OGFOD1: variants seen among roughly 807,000 people sequenced by gnomAD.
The protein encoded by OGFOD1 is 2-oxoglutarate and iron dependent oxygenase domain containing 1.
Under a neutral mutation model 67.7 loss-of-function variants are expected in OGFOD1, and 54 were observed. The observed-to-expected ratio is 0.80, with a 90% confidence interval of 0.64 to 1.00. The LOEUF (loss-of-function observed/expected upper bound fraction) is 1.00. Ranked by LOEUF, OGFOD1 falls within the 50% of genes least tolerant of loss-of-function variation. The pLI is 0.00. For missense variants in OGFOD1, 606 were observed against 646.7 expected (o/e 0.94, Z 0.68); for synonymous variants, 221 against 227.0 (o/e 0.97, Z 0.24).
At chr16:56,460,000 AT>A (rs1962659861) in intron 3 of OGFOD1, among the ~76,000 whole-genome samples, 1 of 152,040 alleles carries the variant, frequency 6.6e-6, no homozygotes, top group African/African-American at 2.4e-5. Context: ...TTCTCATTAT[AT>A]TTTTTCTCTG....
At chr16:56,472,015 GC>G (rs1963214803) in intron 10 of OGFOD1, among the ~76,000 whole-genome samples, 1 of 152,164 alleles carries the variant, frequency 6.6e-6, no homozygotes, top group Non-Finnish European at 1.5e-5. Context: ...AGGCTGGAGT[GC>G]AGTGGTGCAA....
intron 10 of OGFOD1, among the ~76,000 whole-genome samples, chr16:56,474,384 A>C (rs932137121): frequency 4.7e-5 from 7 of 148,980 alleles, no homozygotes; most frequent in Admixed American, 1.3e-4. Flanking sequence ...GTAATGGCAC[A>C]ATCTCGGCTT....
In OGFOD1 at chr16:56,477,402, G is replaced by C. The variant is rs1057113924; in HGVS notation, c.*1197G>C. 9.9e-5 allele frequency: 15 copies of C among 152,164 alleles called. No individual in the cohort carries two copies. Among genetic ancestry groups the C allele is most frequent in the Non-Finnish European group, 2.9e-5 (2 of 68,066 alleles). The allele number at this position is 152,164 out of a possible 1,614,324, so 9.4% of individuals were successfully genotyped here. On this transcript the variant is annotated 3_prime_UTR_variant, in exon 13 of 13. Coordinates refer to ENST00000566157, the MANE Select transcript of OGFOD1 (RefSeq NM_018233.4). The stretch of plus-strand genomic sequence containing the variant: ...AAACTTCTGGTTGGTAAAGAAGATA[G>C]GCTGCTTATTGCCATGTGTAGTCAC...
At chr16:56,454,395 G>A (rs1440929657) in intron 2 of OGFOD1, among the ~76,000 whole-genome samples, 1 of 151,052 alleles carries the variant, frequency 6.6e-6, no homozygotes, top group South Asian at 2.1e-4. Context: ...CAGGTGACTT[G>A]CTATATTACA....
intron 9 of OGFOD1, 94 bp downstream of exon 9, chr16:56,470,176 T>A: frequency 9.2e-7 from 1 of 1,086,878 alleles, no homozygotes; most frequent in Non-Finnish European, 1.4e-6. Flanking sequence ...AAAGGAAAAA[T>A]AGACTGAGGT....
At chr16:56,475,903 C>A in intron 12 of OGFOD1, 141 bp from the exon 13 acceptor site, 1 of 724,850 alleles carries the variant, frequency 1.4e-6, no homozygotes, top group Non-Finnish European at 2.2e-6. Flanking sequence ...TGACAGCCAC[C>A]CCTAGTAAGT....
rs934943293 is a variant in OGFOD1, at chr16:56,458,239, T to A, written c.301-309T>A. The stretch of plus-strand genomic sequence containing the variant: ...TTTCCCTGGGTTTCTTTTTTTCCTT[T>A]ATGCACTTCTCACCATCTTTATACT... On this transcript the variant is annotated intron_variant, in intron 2 of 12. Transcript: ENST00000566157. The A allele has an allele frequency of 1.3e-5, 4 of 305,408 alleles. No homozygotes were observed. In the South Asian group the frequency reaches 1.5e-4, roughly 11 times the overall value. The allele number at this position is 305,408 out of a possible 1,614,324, so 18.9% of individuals were successfully genotyped here.
intron 8 of OGFOD1, among the ~76,000 whole-genome samples, chr16:56,468,738 AAAAG>A (rs2144022797): frequency 6.6e-6 from 1 of 152,274 alleles, no homozygotes; most frequent in East Asian, 1.9e-4. Context: ...AAAAAAAAAA[AAAAG>A]AAATCAGAAA....
rs772955110 is a variant in OGFOD1, at chr16:56,474,847, C to T, written c.1305C>T (p.Cys435=). Residue 435 remains cysteine (C), a synonymous_variant, in exon 11 of 13, where the codon TGC becomes TGT. Transcript: ENST00000566157. ...ETKKESSVPM[C]QGELRHWKTG... ...CCTTAGAATCAAGTGTTCCCATGTG[C>T]CAAGGGGAACTGAGGCATTGGAAGA... is the stretch of plus-strand genomic sequence containing the variant. The T allele has an allele frequency of 1.9e-6, 3 of 1,611,918 alleles. No homozygotes were observed. Among genetic ancestry groups the T allele is most frequent in the Non-Finnish European group, 2.5e-6 (3 of 1,179,024 alleles).
intron 9 of OGFOD1, 79 bp downstream of exon 9, chr16:56,470,161 AGCCT>A: frequency 7.8e-7 from 1 of 1,288,516 alleles, no homozygotes; most frequent in Non-Finnish European, 1.1e-6. Flanking sequence ...AATGACAAAA[AGCCT>A]AAAGGAAAAA....
In OGFOD1 at chr16:56,470,745, C is replaced by G. The variant is rs753679124; in HGVS notation, c.1239C>G (p.Ser413Arg). ...CCATCAGCAACAACAGCCAACAGAGCAATGAGCAGACAGACCCAGAGCCAG... is the reference window on the plus strand; with the variant it reads ...CCATCAGCAACAACAGCCAACAGAGGAATGAGCAGACAGACCCAGAGCCAG... ...QMAISNNSQQ[S>R]NEQTDPEPEE... Residue 413 changes from serine to arginine, a missense_variant, in exon 10 of 13, where the codon AGC (serine) becomes AGG (arginine). Coordinates refer to ENST00000566157, the MANE Select transcript of OGFOD1 (RefSeq NM_018233.4). 12 of 1,613,164 alleles carry G rather than the reference C, an allele frequency of 7.4e-6. No individual in the cohort carries two copies. In the South Asian group the frequency reaches 1.2e-4, roughly 16 times the overall value.
intron 3 of OGFOD1, 143 bp from the exon 4 acceptor site, chr16:56,462,391 G>C (rs1171729086): frequency 1.5e-5 from 9 of 592,340 alleles, no homozygotes; most frequent in Non-Finnish European, 2.1e-5. Context: ...ACATTTCTCA[G>C]AATGTCTCAA....
chr16:56,467,238 G>A lies in OGFOD1; in HGVS notation c.731G>A (p.Arg244Gln), dbSNP rs755084360. The change falls in exon 7 of 13, where the codon CGG becomes CAG. Residue 244 changes from arginine (R) to glutamine (Q), a missense_variant. Transcript: ENST00000566157. ...SGWFHGPSLT[R>Q]PPNYFEPPIP... is the part of the protein sequence containing the mutation. ...TGGTTTCATGGTCCATCATTGACTC[G>A]GCCTCCCAACTACTTTGAACCCCCC... is the stretch of plus-strand genomic sequence containing the variant. 1.4e-5 allele frequency: 23 copies of A among 1,613,802 alleles called. No homozygotes were observed. Among genetic ancestry groups the A allele is most frequent in the Admixed American group, 1.7e-5 (1 of 59,984 alleles).
At chr16:56,470,460 G>A in intron 9 of OGFOD1, 27 bp from the exon 10 acceptor site, 3 of 1,569,516 alleles carry the variant, frequency 1.9e-6, no homozygotes, top group South Asian at 1.2e-5. Context: ...TGGCTTTGAT[G>A]AACAACTTGA....
At chr16:56,465,391 A>C (rs1454548648) in intron 4 of OGFOD1, among the ~76,000 whole-genome samples, 1 of 152,250 alleles carries the variant, frequency 6.6e-6, no homozygotes. Context: ...CACAGGGTTC[A>C]TTCTAGATTT....
chr16:56,472,252 G>A (rs1484140003), intron 10 of OGFOD1, among the ~76,000 whole-genome samples: 3 of 151,932 alleles, frequency 2.0e-5, no homozygotes, highest in South Asian at 4.1e-4. Context: ...TTACAAGCGT[G>A]ACCAATCACA....
intron 8 of OGFOD1, among the ~76,000 whole-genome samples, chr16:56,468,948 T>C (rs1963026242): frequency 6.6e-6 from 1 of 152,210 alleles, no homozygotes; most frequent in Admixed American, 6.5e-5. Flanking sequence ...CATGGAGCCA[T>C]GGTCCCAAGA....
At chr16:56,458,880 T>C (rs1962617128) in intron 3 of OGFOD1, 1 of 402,244 alleles carries the variant, frequency 2.5e-6, no homozygotes, top group African/African-American at 2.0e-5. Flanking sequence ...ATACCATTTT[T>C]CACATGTTAG....
chr16:56,474,786 A>C, intron 10 of OGFOD1, 42 bp from the exon 11 acceptor site: 2 of 1,559,694 alleles, frequency 1.3e-6, no homozygotes, highest in East Asian at 4.5e-5. Flanking sequence ...AGTTCTATCA[A>C]GGTTATTTTT....
Sources: allele counts gnomAD v4.1 joint callset (sites outside exome capture counted in the v4.1 genomes callset), GRCh38; gene constraint gnomAD v4.1.1; transcripts MANE v1.5; gene names NCBI Gene and HGNC (gene_info 2026-07-23, HGNC 2026-07-21).